Variants in UNC79 observed in about 807,000 individuals in gnomAD.
The protein encoded by UNC79 is unc-79 subunit of NALCN channel complex.
UNC79 carries 37 observed loss-of-function variants against 283.1 expected under a neutral mutation model. The observed-to-expected ratio is 0.13, with a 90% CI of 0.10 to 0.17. The LOEUF (loss-of-function observed/expected upper bound fraction) is 0.17, where lower values mean the gene tolerates loss of function less well. Ranked by LOEUF, UNC79 falls within the 10% of genes least tolerant of loss-of-function variation. The probability of loss-of-function intolerance (pLI) is 1.00; values close to 1 mark genes in which losing one functional copy is unlikely to be tolerated. For synonymous variants in UNC79, 1,107 were observed against 1,200.2 expected (o/e 0.92, Z 1.61); for missense variants, 2,272 against 3,211.1 (o/e 0.71, Z 7.07).
intron 1 of UNC79, among the ~76,000 whole-genome samples, chr14:93,401,688 A>T (rs909001973): frequency 3.3e-5 from 5 of 152,218 alleles, no homozygotes; most frequent in African/African-American, 9.6e-5. Flanking sequence ...CTGTCAGCCT[A>T]GAGATTCAGA....
chr14:93,520,555 A>G (rs1244295870), intron 7 of UNC79, among the ~76,000 whole-genome samples: 2 of 151,890 alleles, frequency 1.3e-5, no homozygotes, highest in East Asian at 3.9e-4. Flanking sequence ...TTGGCTTTAT[A>G]CTAAGTAAAA....
chr14:93,588,069 G>C (rs1173224469), intron 22 of UNC79, among the ~76,000 whole-genome samples: 1 of 151,752 alleles, frequency 6.6e-6, no homozygotes, highest in Non-Finnish European at 1.5e-5. Context: ...GGATACTGAA[G>C]CTTTATTTAT....
intron 35 of UNC79, among the ~76,000 whole-genome samples, chr14:93,653,338 T>C (rs1317558783): frequency 6.6e-6 from 1 of 151,140 alleles, no homozygotes; most frequent in Non-Finnish European, 1.5e-5. Context: ...TATATATATA[T>C]ATGAATTTTT....
rs370966222 is a variant in UNC79, at chr14:93,637,450, G to A, written c.5800+151G>A. 192 of 1,329,286 alleles carry A rather than the reference G, an allele frequency of 1.4e-4. 2 individuals carry two copies. Among genetic ancestry groups the A allele is most frequent in the East Asian group, 9.0e-4 (36 of 39,792 alleles). The allele number at this position is 1,329,286 out of a possible 1,614,324, so 82.3% of individuals were successfully genotyped here. ...AAACACCCCCAGTGGCTGAGAGTGC[G>A]TGACATCTCATCTTTGAACATGGCC... On this transcript the variant is annotated intron_variant, in intron 32 of 48. Coordinates refer to ENST00000555664, the Ensembl canonical transcript of UNC79.
intron 26 of UNC79, among the ~76,000 whole-genome samples, chr14:93,605,525 C>T: frequency 6.6e-6 from 1 of 152,064 alleles, no homozygotes; most frequent in East Asian, 1.9e-4. Flanking sequence ...CATGAAGTAG[C>T]CTAAGAGGGC....
At chr14:93,643,299 A>T (rs1217690517) in intron 33 of UNC79, among the ~76,000 whole-genome samples, 2 of 152,216 alleles carry the variant, frequency 1.3e-5, no homozygotes, top group Non-Finnish European at 2.9e-5. Flanking sequence ...AGTCACTCAC[A>T]TGCAGGCCAG....
chr14:93,421,650 GA>G (rs2055602173), intron 1 of UNC79, among the ~76,000 whole-genome samples: 2 of 149,664 alleles, frequency 1.3e-5, no homozygotes, highest in South Asian at 4.3e-4. Flanking sequence ...ACATCAAAAA[GA>G]AAAAAAGACA....
intron 1 of UNC79, among the ~76,000 whole-genome samples, chr14:93,357,748 GATATATGGATATAT>G (rs1179679049): frequency 2.7e-3 from 201 of 73,162 alleles, no homozygotes; most frequent in African/African-American, 8.0e-3. Context: ...TATATATATG[GATATATGGATATAT>G]ATATATGGAT....
At chr14:93,546,811 T>C (rs2061623454) in intron 14 of UNC79, among the ~76,000 whole-genome samples, 1 of 152,184 alleles carries the variant, frequency 6.6e-6, no homozygotes, top group Non-Finnish European at 1.5e-5. Context: ...GTTCTGGCAA[T>C]CCTTACTCAT....
At chr14:93,652,126 G>A (rs60063814) in intron 35 of UNC79, among the ~76,000 whole-genome samples, 1 of 152,176 alleles carries the variant, frequency 6.6e-6, no homozygotes, top group Admixed American at 6.5e-5. Flanking sequence ...AGAGATGGGA[G>A]AGTCGGCACC....
At chr14:93,699,458 A>G (rs2075378543) in intron 47 of UNC79, among the ~76,000 whole-genome samples, 1 of 152,128 alleles carries the variant, frequency 6.6e-6, no homozygotes, top group South Asian at 2.1e-4. Context: ...TTTCCCCCAG[A>G]TTTTGAGAGA....
At chr14:93,675,948 C>T (rs1389923270) in intron 41 of UNC79, among the ~76,000 whole-genome samples, 2 of 152,214 alleles carry the variant, frequency 1.3e-5, no homozygotes, top group Admixed American at 6.5e-5. Context: ...GAGAAACCAA[C>T]TTTGCATTTC....
At chr14:93,506,224 A>ATT (rs774515757) in intron 7 of UNC79, among the ~76,000 whole-genome samples, 28 of 141,650 alleles carry the variant, frequency 2.0e-4, no homozygotes, top group African/African-American at 5.1e-4. Flanking sequence ...ATTGTATACA[A>ATT]TTTTTTTTTT....
At chr14:93,696,098 T>A (rs372800261) in intron 47 of UNC79, among the ~76,000 whole-genome samples, 190 of 152,252 alleles carry the variant, frequency 1.2e-3, no homozygotes, top group African/African-American at 3.7e-3. Context: ...TCACTTGTAA[T>A]AATTATATTG....
intron 41 of UNC79, 94 bp from the exon 45 acceptor site, chr14:93,682,523 C>A: frequency 9.3e-7 from 1 of 1,074,308 alleles, no homozygotes; most frequent in Non-Finnish European, 1.4e-6. Flanking sequence ...TGAAAATAAA[C>A]ACTAATTAAT....
chr14:93,424,529 TA>T (rs1189263821), intron 1 of UNC79, among the ~76,000 whole-genome samples: 3 of 152,072 alleles, frequency 2.0e-5, no homozygotes, highest in Non-Finnish European at 4.4e-5. Context: ...TATTCAGCCA[TA>T]AAAAAGAATG....
intron 14 of UNC79, among the ~76,000 whole-genome samples, chr14:93,557,845 A>G (rs2062262947): frequency 8.5e-5 from 13 of 152,236 alleles, no homozygotes; most frequent in Admixed American, 8.5e-4. Flanking sequence ...TAGAGCAGAC[A>G]GTTTCAAGTT....
At chr14:93,610,750 A>G (rs1405204989) in intron 26 of UNC79, among the ~76,000 whole-genome samples, 1 of 151,938 alleles carries the variant, frequency 6.6e-6, no homozygotes, top group African/African-American at 2.4e-5. Flanking sequence ...AGCTGGGACT[A>G]CAGGTGTGCA....
In UNC79 at chr14:93,604,887, A is replaced by G; in HGVS notation, c.3754+1469A>G. The stretch of plus-strand genomic sequence containing the variant: ...GCTTATTTAAATAGAGTTGTTGTTG[A>G]TTTTTAAGCTATGAGGTTGACCAGG... On this transcript the variant is annotated intron_variant, in intron 26 of 48. Transcript: ENST00000555664. The G allele has an allele frequency of 6.4e-7, 1 of 1,569,918 alleles. No homozygotes were observed. The highest frequency in any genetic ancestry group is 8.6e-7 in the Non-Finnish European group (1 of 1,165,112).
Sources: allele counts gnomAD v4.1 joint callset (sites outside exome capture counted in the v4.1 genomes callset), GRCh38; gene constraint gnomAD v4.1.1; transcripts MANE v1.5; gene names NCBI Gene and HGNC (gene_info 2026-07-23, HGNC 2026-07-21).